The following GPM6A variants were observed in gnomAD, a reference collection of about 807,000 sequenced individuals.
GPM6A encodes neuronal membrane glycoprotein M6-a.
A neutral mutation model predicts 32.1 loss-of-function variants in GPM6A; 7 were observed. That is an observed-to-expected ratio of 0.22 (90% CI 0.12 to 0.41). The LOEUF is 0.41. Among genes scored for constraint, GPM6A ranks in the 10% least tolerant of loss-of-function variants. The probability of loss-of-function intolerance (pLI) is 1.00; values close to 1 mark genes in which losing one functional copy is unlikely to be tolerated. For missense variants in GPM6A, 235 were observed against 347.2 expected (o/e 0.68, Z 2.57); for synonymous variants, 130 against 123.4 (o/e 1.05, Z -0.35).
chr4:175,799,140 C>A (rs908297660), intron 1 of GPM6A, among the ~76,000 whole-genome samples: 5 of 152,152 alleles, frequency 3.3e-5, no homozygotes, highest in African/African-American at 4.8e-5. Context: ...AATAGCTCTT[C>A]CAATCTTGTT....
intron 1 of GPM6A, among the ~76,000 whole-genome samples, chr4:175,960,081 T>A (rs920070053): frequency 2.0e-5 from 3 of 152,190 alleles, no homozygotes; most frequent in African/African-American, 7.2e-5. Context: ...CCTCATTGAA[T>A]AGGACCAAAT....
At chr4:175,753,200 A>C (rs1732404808) in intron 1 of GPM6A, among the ~76,000 whole-genome samples, 1 of 152,140 alleles carries the variant, frequency 6.6e-6, no homozygotes, top group South Asian at 2.1e-4. Flanking sequence ...AACCAGAAAA[A>C]GAGTTTAATT....
chr4:175,936,929 G>A (rs993404935), intron 1 of GPM6A, among the ~76,000 whole-genome samples: 1 of 152,062 alleles, frequency 6.6e-6, no homozygotes, highest in Non-Finnish European at 1.5e-5. Flanking sequence ...AGTAATATGT[G>A]AAAATTTTTC....
At chr4:175,898,259 T>C (rs1291868245) in intron 1 of GPM6A, among the ~76,000 whole-genome samples, 1 of 152,166 alleles carries the variant, frequency 6.6e-6, no homozygotes, top group Non-Finnish European at 1.5e-5. Flanking sequence ...ACTTCAGTGG[T>C]TCATCACTGA....
At chr4:175,963,184 A>C (rs1579668520) in intron 1 of GPM6A, among the ~76,000 whole-genome samples, 1 of 152,268 alleles carries the variant, frequency 6.6e-6, no homozygotes, top group African/African-American at 2.4e-5. Context: ...CAAAAGTTGT[A>C]ACATATTTAT....
intron 1 of GPM6A, among the ~76,000 whole-genome samples, chr4:175,754,286 TAAC>T (rs772111316): frequency 6.6e-6 from 1 of 151,880 alleles, no homozygotes; most frequent in Admixed American, 6.6e-5. Context: ...TAAGTGACAA[TAAC>T]AACAACAACA....
intron 1 of GPM6A, among the ~76,000 whole-genome samples, chr4:175,725,460 A>G (rs993735943): frequency 6.6e-6 from 1 of 151,598 alleles, no homozygotes; most frequent in Non-Finnish European, 1.5e-5. Context: ...ACCTGGCTAA[A>G]TTTTTAATTT....
At chr4:175,912,840 C>T (rs1163196316) in intron 1 of GPM6A, among the ~76,000 whole-genome samples, 1 of 152,102 alleles carries the variant, frequency 6.6e-6, no homozygotes, top group Admixed American at 6.6e-5. Flanking sequence ...GCAAATAAGG[C>T]AAGAGCATAA....
chr4:175,761,613 G>A (rs536560613), intron 1 of GPM6A, among the ~76,000 whole-genome samples: 1 of 151,970 alleles, frequency 6.6e-6, no homozygotes, highest in Non-Finnish European at 1.5e-5. Flanking sequence ...TAATTATTTG[G>A]ACATCTATAA....
chr4:175,810,113 C>A (rs115079313), intron 1 of GPM6A, among the ~76,000 whole-genome samples: 108 of 152,300 alleles, frequency 7.1e-4, no homozygotes, highest in Non-Finnish European at 1.3e-3. Context: ...AGTCTCTCCA[C>A]CTAAACTCTT....
At position 175,832,527 on chromosome 4, in the gene GPM6A, A is replaced by G. The variant is rs1207777295; in HGVS notation, c.-22-20278T>C. On this transcript the variant is annotated intron_variant, in intron 1 of 7. Coordinates refer to the GPM6A transcript ENST00000280187. ...AAAACATAGAAATGAAGTAAACGTT[A>G]TCTACCCACAGGAGCTTAAAGTCTG... Among the ~76,000 whole-genome samples the G allele has an allele frequency of 4.6e-5, 7 of 150,620 alleles. No homozygotes were observed. The East Asian group carries it at 9.8e-4, about 21-fold the overall frequency.
At chr4:175,771,081 T>C (rs1372437118) in intron 1 of GPM6A, among the ~76,000 whole-genome samples, 1 of 152,132 alleles carries the variant, frequency 6.6e-6, no homozygotes, top group Non-Finnish European at 1.5e-5. Flanking sequence ...GAATGGGGTA[T>C]TTTAGGAAAT....
chr4:175,716,371 G>A (rs980876728), intron 1 of GPM6A, among the ~76,000 whole-genome samples: 1 of 152,106 alleles, frequency 6.6e-6, no homozygotes, highest in Non-Finnish European at 1.5e-5. Flanking sequence ...CTTTTAAAAA[G>A]TGAGCCTATT....
At chr4:175,686,648 C>T (rs1743996803) in intron 2 of GPM6A, among the ~76,000 whole-genome samples, 1 of 152,200 alleles carries the variant, frequency 6.6e-6, no homozygotes, top group Non-Finnish European at 1.5e-5. Context: ...AAGAGGCCAC[C>T]CTTGCTGACG....
At chr4:175,925,671 A>C (rs113648745) in intron 1 of GPM6A, among the ~76,000 whole-genome samples, 271 of 152,236 alleles carry the variant, frequency 1.8e-3, no homozygotes, top group African/African-American at 6.2e-3. Context: ...CAATGTTCTT[A>C]ATACATGTAT....
At chr4:175,742,533 A>G (rs961845721) in intron 1 of GPM6A, among the ~76,000 whole-genome samples, 3 of 152,186 alleles carry the variant, frequency 2.0e-5, no homozygotes, top group South Asian at 2.1e-4. Context: ...TGTATTAACA[A>G]ACTCTATTAT....
rs544923718 is a variant in GPM6A at position 175,867,977 on chromosome 4, T to A, written c.-22-55728A>T. ...TCCCCTCTCCCTGCCAGAAGAGCAA[T>A]GGAATTTTTCTCTGATATTTACTGT... On this transcript the variant is annotated intron_variant, in intron 1 of 7. Transcript: ENST00000280187. 5.9e-5 allele frequency among the ~76,000 whole-genome samples: 9 copies of A among 152,304 alleles called. No individual in the cohort carries two copies. The East Asian group carries it at 1.7e-3, about 29-fold the overall frequency.
At chr4:175,842,813 A>T (rs1189454072) in intron 1 of GPM6A, among the ~76,000 whole-genome samples, 1 of 152,102 alleles carries the variant, frequency 6.6e-6, no homozygotes, top group Non-Finnish European at 1.5e-5. Context: ...TTAAATATTG[A>T]CCTTATAGGT....
chr4:175,681,525 T>A (rs1190008980), intron 2 of GPM6A, among the ~76,000 whole-genome samples: 1 of 152,208 alleles, frequency 6.6e-6, no homozygotes, highest in Non-Finnish European at 1.5e-5. Flanking sequence ...ATATTTGTCC[T>A]TGCCTAAACT....
Sources: allele counts gnomAD v4.1 joint callset (sites outside exome capture counted in the v4.1 genomes callset), GRCh38; gene constraint gnomAD v4.1.1; transcripts MANE v1.5; gene names NCBI Gene and HGNC (gene_info 2026-07-23, HGNC 2026-07-21).